The following SIPA1L1 variants were observed in gnomAD, a reference collection of about 807,000 sequenced individuals.
SIPA1L1 encodes the protein signal-induced proliferation-associated 1-like protein 1.
SIPA1L1 carries 26 observed loss-of-function variants against 162.7 expected under a neutral mutation model. The ratio of observed to expected loss-of-function variants is 0.16; its 90% CI spans 0.12 to 0.22. The LOEUF (loss-of-function observed/expected upper bound fraction) is 0.22. Ranked by LOEUF, SIPA1L1 falls within the 10% of genes least tolerant of loss-of-function variation. The probability of loss-of-function intolerance (pLI) is 1.00; values close to 1 mark genes in which losing one functional copy is unlikely to be tolerated. For missense variants in SIPA1L1, 1,874 were observed against 2,241.0 expected (o/e 0.84, Z 3.31); for synonymous variants, 829 against 837.4 (o/e 0.99, Z 0.17).
intron 2 of SIPA1L1, among the ~76,000 whole-genome samples, chr14:71,331,965 T>A (rs188605867): frequency 7.4e-4 from 112 of 152,324 alleles, no homozygotes; most frequent in African/African-American, 2.6e-3. Context: ...AGGAACAAAT[T>A]TCGGCTACTT....
At chr14:71,569,100 T>C (rs1227478654) in intron 4 of SIPA1L1, among the ~76,000 whole-genome samples, 2 of 151,414 alleles carry the variant, frequency 1.3e-5, no homozygotes, top group South Asian at 2.1e-4. Context: ...AGTTATTTAC[T>C]TTCCCTCATC....
At chr14:71,419,701 G>C (rs962561240) in intron 2 of SIPA1L1, among the ~76,000 whole-genome samples, 3 of 151,744 alleles carry the variant, frequency 2.0e-5, no homozygotes, top group Admixed American at 6.6e-5. Flanking sequence ...GTTTCACCTT[G>C]TTAGCCAGGA....
intron 3 of SIPA1L1, among the ~76,000 whole-genome samples, chr14:71,525,486 A>T (rs545610701): frequency 8.5e-5 from 13 of 152,328 alleles, no homozygotes; most frequent in Middle Eastern, 3.4e-3. Context: ...CCCAGCCTGT[A>T]GTGACTAGAT....
chr14:71,724,737 G>A lies in SIPA1L1; in HGVS notation c.4516G>A (p.Ala1506Thr), dbSNP rs758278315. 1.2e-6 allele frequency: 2 copies of A among 1,614,078 alleles called. No individual in the cohort carries two copies. Among genetic ancestry groups the A allele is most frequent in the Admixed American group, 3.3e-5 (2 of 59,998 alleles). Reference sequence around the variant, plus strand: ...GCGTGCCTCAACCAGAGACCTCCGGGCATCTCCTAAGCCAACCTCCAAGTC... The same window carrying A: ...GCGTGCCTCAACCAGAGACCTCCGGACATCTCCTAAGCCAACCTCCAAGTC... ...RLRASTRDLR[A>T]SPKPTSKSTI... Residue 1506 changes from alanine to threonine, a missense_variant, in exon 19 of 24, where the codon GCA (alanine) becomes ACA (threonine). This residue lies in a region of SIPA1L1 where 936 missense variants were observed against 1,051.9 expected (regional missense o/e 0.89). Transcript: ENST00000381232.
At chr14:71,566,994 G>GA (rs1347201311) in intron 4 of SIPA1L1, among the ~76,000 whole-genome samples, 3 of 152,114 alleles carry the variant, frequency 2.0e-5, no homozygotes, top group Non-Finnish European at 4.4e-5. Flanking sequence ...AGACCTATTA[G>GA]AAAAATGGAC....
At chr14:71,729,043 C>A (rs1233160043) in intron 19 of SIPA1L1, among the ~76,000 whole-genome samples, 1 of 152,056 alleles carries the variant, frequency 6.6e-6, no homozygotes, top group African/African-American at 2.4e-5. Flanking sequence ...CCTATTCTTT[C>A]TTTATTTTTT....
chr14:71,600,735 A>G (rs1036944581), intron 5 of SIPA1L1, among the ~76,000 whole-genome samples: 1 of 152,184 alleles, frequency 6.6e-6, no homozygotes, highest in African/African-American at 2.4e-5. Context: ...ATGTTTGTGT[A>G]TTCTTCAATT....
rs1319935926 is a variant in SIPA1L1 at position 71,606,375 on chromosome 14, T to C, written c.1499-12382T>C. ...CAGCCCTGGTGGTAGCAGTTTGCTG[T>C]GGCAGTGGCTGCATATAGGGGATGT... On this transcript the variant is annotated intron_variant, in intron 5 of 23. Transcript: ENST00000381232. Among the ~76,000 whole-genome samples, 6 of 152,270 alleles carry C rather than the reference T, an allele frequency of 3.9e-5. No individual in the cohort carries two copies. The East Asian group carries it at 1.2e-3, about 29-fold the overall frequency.
rs768206144 is a variant in SIPA1L1 at position 71,637,052 on chromosome 14, A to T, written c.1818+12816A>T. On this transcript the variant is annotated intron_variant, in intron 7 of 23. Transcript: ENST00000381232. ...AGTGACAGAATGAGACTCCATCTTT[A>T]AAAAAAAAAAAAAAACAGCTACATC... Among the ~76,000 whole-genome samples, 126 of 128,150 alleles carry T rather than the reference A, an allele frequency of 9.8e-4. 1 individual carries two copies. Among genetic ancestry groups the T allele is most frequent in the South Asian group, 1.4e-3 (6 of 4,192 alleles). The allele number at this position is 128,150 out of a possible 152,430, so 84.1% of individuals were successfully genotyped here. A position where few individuals can be genotyped will look rare whatever the true frequency, so the allele number is the denominator to read the frequency against.
intron 3 of SIPA1L1, among the ~76,000 whole-genome samples, chr14:71,515,868 C>T (rs1175573339): frequency 6.6e-6 from 1 of 152,182 alleles, no homozygotes; most frequent in Non-Finnish European, 1.5e-5. Flanking sequence ...TCTTGAGCTC[C>T]TGACCTCAAG....
chr14:71,712,927 C>T (rs984951886), intron 17 of SIPA1L1, among the ~76,000 whole-genome samples: 2 of 152,204 alleles, frequency 1.3e-5, no homozygotes, highest in African/African-American at 4.8e-5. Flanking sequence ...CTTATGCGAT[C>T]ACATATACCT....
At chr14:71,681,373 T>C (rs1361925158) in intron 12 of SIPA1L1, among the ~76,000 whole-genome samples, 1 of 152,232 alleles carries the variant, frequency 6.6e-6, no homozygotes, top group Non-Finnish European at 1.5e-5. Flanking sequence ...TGGATGGTAT[T>C]GCATAGAGTG....
intron 2 of SIPA1L1, among the ~76,000 whole-genome samples, chr14:71,392,518 C>T (rs1307712962): frequency 6.6e-6 from 1 of 152,152 alleles, no homozygotes; most frequent in African/African-American, 2.4e-5. Flanking sequence ...ACACATACCT[C>T]TGTTACAGTA....
intron 2 of SIPA1L1, among the ~76,000 whole-genome samples, chr14:71,465,556 C>G (rs1460708150): frequency 6.6e-6 from 1 of 152,148 alleles, no homozygotes; most frequent in Non-Finnish European, 1.5e-5. Flanking sequence ...CTAAACAGTT[C>G]GTGCCAAGGA....
At chr14:71,341,154 G>A (rs185269188) in intron 2 of SIPA1L1, among the ~76,000 whole-genome samples, 1 of 152,318 alleles carries the variant, frequency 6.6e-6, no homozygotes, top group East Asian at 1.9e-4. Flanking sequence ...GCCCGGGATT[G>A]CAGATGCTTT....
chr14:71,530,278 G>A (rs143720324), intron 4 of SIPA1L1, among the ~76,000 whole-genome samples: 129 of 152,248 alleles, frequency 8.5e-4, no homozygotes, highest in Middle Eastern at 3.4e-3. Flanking sequence ...TTAACAGTTA[G>A]CAGGTAGTGA....
chr14:71,738,181 A>AC, intron 22 of SIPA1L1, 60 bp from the exon 23 acceptor site: 1 of 883,092 alleles, frequency 1.1e-6, no homozygotes, highest in South Asian at 1.8e-5. Context: ...AAAAAAAAAA[A>AC]AAAAACAAAC....
At chr14:71,552,100 G>T (rs1289035908) in intron 4 of SIPA1L1, among the ~76,000 whole-genome samples, 2 of 152,082 alleles carry the variant, frequency 1.3e-5, no homozygotes, top group African/African-American at 2.4e-5. Context: ...TTTGATTGCT[G>T]TACCCGCCAT....
chr14:71,671,575 G>C lies in SIPA1L1; in HGVS notation c.2712G>C (p.Val904=), dbSNP rs372233602. The C allele has an allele frequency of 1.9e-6, 3 of 1,614,080 alleles. No homozygotes were observed. The African/African-American group carries it at 4.0e-5, about 22-fold the overall frequency. The stretch of plus-strand genomic sequence containing the variant: ...TCTTCAATTGTTCCTGTAGAGATGT[G>C]ATAGGGTGGACTTCAACTGACACCA... The part of the protein sequence containing the change: ...SVVFNCSCRD[V]IGWTSTDTSL... Residue 904 remains valine (V), a synonymous_variant, in exon 11 of 24, where the codon GTG becomes GTC. Transcript: ENST00000381232.
Sources: gnomAD v4.1 joint callset for allele counts (sites outside exome capture counted in the v4.1 genomes callset) on GRCh38, gnomAD v4.1.1 for gene constraint, gnomAD v4.1.1 regional missense constraint, MANE v1.5 for transcripts, NCBI Gene and HGNC (gene_info 2026-07-23, HGNC 2026-07-21) for gene names.